Variants in CCSER1 observed in about 807,000 individuals in gnomAD.
CCSER1 encodes serine-rich coiled-coil domain-containing protein 1.
Under a neutral mutation model 82.0 loss-of-function variants are expected in CCSER1, and 41 were observed. That is an observed-to-expected ratio of 0.50 (90% CI 0.39 to 0.65). The LOEUF (loss-of-function observed/expected upper bound fraction) is 0.65. Among genes scored for constraint, CCSER1 ranks in the 30% least tolerant of loss-of-function variants. CCSER1 has a pLI of 0.00. For synonymous variants in CCSER1, 414 were observed against 383.9 expected, an observed-to-expected ratio of 1.08 and a Z score of -0.92; for missense variants, 1,119 against 1,064.2, an observed-to-expected ratio of 1.05 and a Z score of -0.72.
At chr4:90,794,762 A>G (rs1182545174) in intron 7 of CCSER1, among the ~76,000 whole-genome samples, 1 of 152,162 alleles carries the variant, frequency 6.6e-6, no homozygotes, top group South Asian at 2.1e-4. Context: ...TTTGGGCACT[A>G]TGGCTATTTT....
At chr4:91,090,189 G>A (rs62312174) in intron 10 of CCSER1, among the ~76,000 whole-genome samples, 30,142 of 152,018 alleles carry the variant, frequency 0.2, 3,395 homozygotes, top group African/African-American at 0.29. Flanking sequence ...CATTTTTCGC[G>A]GGAAGCATAG....
intron 9 of CCSER1, among the ~76,000 whole-genome samples, chr4:91,004,423 G>A (rs1738321880): frequency 6.6e-6 from 1 of 152,176 alleles, no homozygotes; most frequent in African/African-American, 2.4e-5. Context: ...TTTAAAAATA[G>A]CCTTTTTAGT....
rs1486326868 is a variant in CCSER1 at position 90,749,648 on chromosome 4, T to C, written c.2010+25657T>C. 4.6e-5 allele frequency among the ~76,000 whole-genome samples: 7 copies of C among 152,136 alleles called. 1 individual carries two copies. The highest frequency in any genetic ancestry group is 2.0e-4 in the Admixed American group (3 of 15,250). ...TTGGGCAGTATGGCCATTTTCACGA[T>C]ATTGATTCTTCCTACCCCACATTTT... is the stretch of plus-strand genomic sequence containing the variant. On this transcript the variant is annotated intron_variant, in intron 7 of 10. Coordinates refer to ENST00000509176, the MANE Select transcript of CCSER1 (RefSeq NM_001145065.2).
At chr4:91,296,544 A>G (rs1744200604) in intron 10 of CCSER1, among the ~76,000 whole-genome samples, 1 of 147,294 alleles carries the variant, frequency 6.8e-6, no homozygotes, top group Non-Finnish European at 1.5e-5. Context: ...AAATAACAAT[A>G]TAACTATAGA....
At chr4:91,358,878 A>T (rs1266223495) in intron 10 of CCSER1, among the ~76,000 whole-genome samples, 1 of 152,104 alleles carries the variant, frequency 6.6e-6, no homozygotes, top group Non-Finnish European at 1.5e-5. Flanking sequence ...GATGCTCCAC[A>T]GGGCAGGCTT....
rs201957681 is a variant in CCSER1, at chr4:90,707,242, G to GT, written c.1933-16662dup. 5.2e-3 allele frequency among the ~76,000 whole-genome samples: 754 copies of GT among 146,100 alleles called. 1 individual carries two copies. Among genetic ancestry groups the GT allele is most frequent in the Non-Finnish European group, 7.9e-3 (523 of 66,222 alleles). On this transcript the variant is annotated intron_variant, in intron 6 of 10. Coordinates refer to ENST00000509176, the MANE Select transcript of CCSER1 (RefSeq NM_001145065.2). ...ACCTTGGATTTTAGCTCCTTGAACT[G>GT]TTTTTTTTTTCAATAATCTTGTTCT...
intron 5 of CCSER1, among the ~76,000 whole-genome samples, chr4:90,579,939 T>C (rs1781245885): frequency 6.6e-6 from 1 of 152,118 alleles, no homozygotes; most frequent in Non-Finnish European, 1.5e-5. Context: ...TTCTCTTATC[T>C]TTTTTGGCAG....
chr4:90,976,416 T>C (rs2150410645), intron 9 of CCSER1, among the ~76,000 whole-genome samples: 1 of 151,328 alleles, frequency 6.6e-6, no homozygotes, highest in African/African-American at 2.4e-5. Context: ...CTAATTTAGT[T>C]ATAGATCAAA....
Position 91,490,873 on chromosome 4 carries a change from CATATATATATATATATATATATATAT to C in CCSER1, c.2218-107669_2218-107644del, listed in dbSNP as rs778476142. The stretch of plus-strand genomic sequence containing the variant: ...CTGTATCAAAATATCTCAGGCACTC[CATATATATATATATATATATATATAT>C]ATATATATATATATATATATATATA... On this transcript the variant is annotated intron_variant, in intron 10 of 10. Coordinates refer to ENST00000509176, the MANE Select transcript of CCSER1 (RefSeq NM_001145065.2). Among the ~76,000 whole-genome samples, 82 of 16,418 alleles carry C rather than the reference CATATATATATATATATATATATATAT, an allele frequency of 5.0e-3. 2 individuals are homozygous for C. The highest frequency in any genetic ancestry group is 0.014 in the East Asian group (5 of 364). The allele number at this position is 16,418 out of a possible 152,430, so 10.8% of individuals were successfully genotyped here.
At chr4:90,990,330 G>C (rs1736919406) in intron 9 of CCSER1, among the ~76,000 whole-genome samples, 1 of 151,880 alleles carries the variant, frequency 6.6e-6, no homozygotes, top group Non-Finnish European at 1.5e-5. Flanking sequence ...GTACCATATA[G>C]TAAAGCCATG....
chr4:91,571,060 C>G (rs773836302), intron 10 of CCSER1, among the ~76,000 whole-genome samples: 16 of 152,134 alleles, frequency 1.1e-4, no homozygotes, highest in Non-Finnish European at 2.2e-4. Flanking sequence ...CAAGAGTGAC[C>G]TTTACTCCAG....
At chr4:90,415,797 C>T (rs985519678) in intron 4 of CCSER1, among the ~76,000 whole-genome samples, 3 of 152,124 alleles carry the variant, frequency 2.0e-5, no homozygotes, top group African/African-American at 7.2e-5. Context: ...AAATATGCAC[C>T]TGGGTAATGA....
chr4:91,586,127 G>C (rs1294635480), intron 10 of CCSER1, among the ~76,000 whole-genome samples: 1 of 151,490 alleles, frequency 6.6e-6, no homozygotes, highest in African/African-American at 2.4e-5. Context: ...CAACTTCAGA[G>C]TTTCTTTGTG....
intron 8 of CCSER1, among the ~76,000 whole-genome samples, chr4:90,834,915 A>G (rs867131784): frequency 6.6e-6 from 1 of 152,258 alleles, no homozygotes; most frequent in Non-Finnish European, 1.5e-5. Context: ...CTTAAAAAAC[A>G]AAACAAAACT....
At chr4:90,578,693 A>G (rs1306394067) in intron 5 of CCSER1, among the ~76,000 whole-genome samples, 1 of 152,170 alleles carries the variant, frequency 6.6e-6, no homozygotes, top group Non-Finnish European at 1.5e-5. Flanking sequence ...GCTATGTGGC[A>G]GCATATTTAC....
At chr4:90,623,528 A>G (rs932054333) in intron 5 of CCSER1, among the ~76,000 whole-genome samples, 7 of 152,214 alleles carry the variant, frequency 4.6e-5, no homozygotes, top group Non-Finnish European at 1.0e-4. Context: ...CTTGTTGGCT[A>G]TGTTAAGATA....
chr4:90,936,525 G>A (rs1167136521), intron 9 of CCSER1, among the ~76,000 whole-genome samples: 2 of 151,978 alleles, frequency 1.3e-5, no homozygotes, highest in African/African-American at 4.8e-5. Context: ...AAACTTTTAT[G>A]GAAAGAGAAA....
intron 10 of CCSER1, among the ~76,000 whole-genome samples, chr4:91,572,141 T>G (rs1433872507): frequency 6.6e-6 from 1 of 151,996 alleles, no homozygotes; most frequent in African/African-American, 2.4e-5. Flanking sequence ...AATACGGGAA[T>G]GGGTACCCAT....
At chr4:90,186,839 G>T (rs1003639289) in intron 1 of CCSER1, among the ~76,000 whole-genome samples, 2 of 151,386 alleles carry the variant, frequency 1.3e-5, no homozygotes, top group African/African-American at 4.9e-5. Context: ...TGATTTCCTG[G>T]TTTTTCCCCC....
Sources: gnomAD v4.1 joint callset for allele counts (sites outside exome capture counted in the v4.1 genomes callset) on GRCh38, gnomAD v4.1.1 for gene constraint, MANE v1.5 for transcripts, NCBI Gene and HGNC (gene_info 2026-07-23, HGNC 2026-07-21) for gene names.